PCDHA4: variants seen among roughly 807,000 people sequenced by gnomAD.
The protein encoded by PCDHA4 is protocadherin alpha 4.
In PCDHA4, 49 loss-of-function variants were observed where a neutral mutation model predicts 61.4. The observed-to-expected ratio is 0.80, with a 90% CI of 0.63 to 1.01. The LOEUF (loss-of-function observed/expected upper bound fraction) is 1.01. PCDHA4 is among the 50% of genes least tolerant of loss of function. PCDHA4 has a pLI of 0.00. For synonymous variants in PCDHA4, 590 were observed against 550.3 expected, an observed-to-expected ratio of 1.07 and a Z score of -1.01; for missense variants, 1,254 against 1,235.8, an observed-to-expected ratio of 1.01 and a Z score of -0.22.
At position 140,848,602 on chromosome 5, in the gene PCDHA4, C is replaced by T. The variant is rs140949600; in HGVS notation, c.2385+39030C>T. 50 of 1,593,476 alleles carry T rather than the reference C, an allele frequency of 3.1e-5. 3 individuals carry two copies. The African/African-American group carries it at 6.1e-4, about 19-fold the overall frequency. On this transcript the variant is annotated intron_variant, in intron 1 of 3. Transcript: ENST00000530339. ...AGCGGCCAGCTCCACTACTCCGTCC[C>T]GGAGGAAGCCGAACACGGCACCTTC...
intron 3 of PCDHA4, among the ~76,000 whole-genome samples, chr5:140,990,715 A>G (rs927680875): frequency 1.3e-5 from 2 of 152,194 alleles, no homozygotes; most frequent in Non-Finnish European, 2.9e-5. Context: ...GGATAAGAGC[A>G]TCACTAGGTA....
chr5:140,963,932 A>C (rs564788639), intron 1 of PCDHA4, among the ~76,000 whole-genome samples: 74 of 152,352 alleles, frequency 4.9e-4, no homozygotes, highest in African/African-American at 1.6e-3. Context: ...ACATGTCCAT[A>C]GCCAAACAGT....
chr5:140,977,518 G>C (rs1328241179), intron 1 of PCDHA4, among the ~76,000 whole-genome samples: 5 of 152,166 alleles, frequency 3.3e-5, no homozygotes, highest in African/African-American at 7.2e-5. Context: ...TTGTGAACTT[G>C]AAAACAAAGG....
At chr5:140,927,610 A>C in intron 1 of PCDHA4, 2 of 1,614,162 alleles carry the variant, frequency 1.2e-6, no homozygotes, top group Non-Finnish European at 1.7e-6. Flanking sequence ...CGTATACCGC[A>C]CCAAGGTTCC....
chr5:140,855,911 G>A (rs2043669744), intron 1 of PCDHA4: 4 of 1,166,768 alleles, frequency 3.4e-6, no homozygotes, highest in East Asian at 4.8e-5. Context: ...AGTTTCTCAA[G>A]GACTAGGAAG....
intron 3 of PCDHA4, among the ~76,000 whole-genome samples, chr5:141,001,642 G>A (rs1399710505): frequency 6.6e-6 from 1 of 152,110 alleles, no homozygotes; most frequent in African/African-American, 2.4e-5. Flanking sequence ...GGGGGTGAAG[G>A]TGTGGGAGAA....
At chr5:140,949,932 TA>T (rs1438940739) in intron 1 of PCDHA4, among the ~76,000 whole-genome samples, 2 of 151,648 alleles carry the variant, frequency 1.3e-5, no homozygotes, top group African/African-American at 2.4e-5. Context: ...AGATTTTTTT[TA>T]ATTTGCATTT....
chr5:140,967,737 A>G, intron 1 of PCDHA4: 1 of 1,614,170 alleles, frequency 6.2e-7, no homozygotes, highest in Non-Finnish European at 8.5e-7. Flanking sequence ...GGGGGGCTGG[A>G]TTATGAGGAA....
intron 1 of PCDHA4, among the ~76,000 whole-genome samples, chr5:140,837,886 C>T (rs1466183059): frequency 6.6e-6 from 1 of 151,430 alleles, no homozygotes; most frequent in East Asian, 1.9e-4. Context: ...GTCTTGTTTC[C>T]CAGGCTGGTC....
chr5:140,913,082 CA>C (rs1341633290), intron 1 of PCDHA4, among the ~76,000 whole-genome samples: 2 of 152,108 alleles, frequency 1.3e-5, no homozygotes, highest in Non-Finnish European at 2.9e-5. Flanking sequence ...TGTTTGGTAT[CA>C]GGATAATACT....
intron 3 of PCDHA4, among the ~76,000 whole-genome samples, chr5:140,982,904 T>G (rs1353983952): frequency 1.3e-5 from 2 of 151,900 alleles, no homozygotes; most frequent in African/African-American, 4.8e-5. Context: ...GGTGGCCTTA[T>G]GCACAGAGAT....
chr5:140,998,594 T>A (rs1396456161), intron 3 of PCDHA4, among the ~76,000 whole-genome samples: 4 of 152,076 alleles, frequency 2.6e-5, no homozygotes, highest in Non-Finnish European at 5.9e-5. Context: ...GACAGAGTTT[T>A]GCTCTTGTTG....
At position 140,808,443 on chromosome 5, in the gene PCDHA4, C is replaced by T; in HGVS notation, c.1256C>T (p.Ser419Leu). The change falls in exon 1 of 4, where the codon TCA (serine) becomes TTA (leucine). Residue 419 changes from serine to leucine, a missense_variant. Transcript: ENST00000530339. ...LDSALDRESV[S>L]AYELVVTARD... ...AGTGCCCTGGACCGCGAGAGCGTGT[C>T]AGCCTATGAGCTGGTGGTGACCGCG... is the stretch of plus-strand genomic sequence containing the variant. 2 of 1,614,198 alleles carry T rather than the reference C, an allele frequency of 1.2e-6. No homozygotes were observed. Among genetic ancestry groups the T allele is most frequent in the Non-Finnish European group, 1.7e-6 (2 of 1,180,050 alleles).
At chr5:140,909,215 AC>A (rs1554193695) in intron 1 of PCDHA4, among the ~76,000 whole-genome samples, 1 of 152,160 alleles carries the variant, frequency 6.6e-6, no homozygotes, top group African/African-American at 2.4e-5. Flanking sequence ...GAGTTGATAT[AC>A]CCCTGAGGTA....
At chr5:140,986,480 T>A (rs781884269) in intron 3 of PCDHA4, among the ~76,000 whole-genome samples, 16 of 152,200 alleles carry the variant, frequency 1.1e-4, no homozygotes, top group Non-Finnish European at 1.5e-4. Flanking sequence ...GATCAGTTCC[T>A]AGGGCAATCC....
chr5:140,828,812 A>G (rs2150159270), intron 1 of PCDHA4: 2 of 1,614,228 alleles, frequency 1.2e-6, no homozygotes, highest in Non-Finnish European at 1.7e-6. Context: ...TAATGCTCCC[A>G]CTTTCGAACA....
intron 3 of PCDHA4, among the ~76,000 whole-genome samples, chr5:140,986,316 C>T (rs1407067646): frequency 2.0e-5 from 3 of 152,146 alleles, no homozygotes; most frequent in African/African-American, 7.2e-5. Context: ...TTAGCTAAAT[C>T]AGGAATGCAG....
chr5:140,876,743 T>G, intron 1 of PCDHA4: 5 of 1,614,200 alleles, frequency 3.1e-6, no homozygotes, highest in Non-Finnish European at 4.2e-6. Flanking sequence ...TATGAGCTGG[T>G]GGTGACTGCG....
At chr5:140,877,637 G>C in intron 1 of PCDHA4, 1 of 1,613,638 alleles carries the variant, frequency 6.2e-7, no homozygotes, top group South Asian at 1.1e-5. Context: ...ACTGCGCTGC[G>C]TTGCTCAGCG....
Sources: allele counts gnomAD v4.1 joint callset (sites outside exome capture counted in the v4.1 genomes callset), GRCh38; gene constraint gnomAD v4.1.1; transcripts MANE v1.5; gene names NCBI Gene and HGNC (gene_info 2026-07-23, HGNC 2026-07-21).